HEATR1: variants seen among roughly 807,000 people sequenced by gnomAD.
The protein encoded by HEATR1 is HEAT repeat-containing protein 1.
HEATR1 carries 77 observed loss-of-function variants against 248.2 expected under a neutral mutation model. That is an observed-to-expected ratio of 0.31 (90% CI 0.26 to 0.37). The LOEUF (loss-of-function observed/expected upper bound fraction) is 0.37. Among genes scored for constraint, HEATR1 ranks in the 10% least tolerant of loss-of-function variants. The pLI, the probability that HEATR1 is intolerant of heterozygous loss-of-function variation, is 1.00. For synonymous variants in HEATR1, 897 were observed against 923.1 expected (o/e 0.97, Z 0.51); for missense variants, 2,420 against 2,504.9 (o/e 0.97, Z 0.72).
chr1:236,592,113 G>A lies in HEATR1; in HGVS notation c.1305-3C>T. ...CAACATCTAATGTTCTGGGGTATCTGGGAAGCAATTAAAAAGTGAATTCAT... is the reference window on the plus strand; with the variant it reads ...CAACATCTAATGTTCTGGGGTATCTAGGAAGCAATTAAAAAGTGAATTCAT... On this transcript the variant is annotated splice_region_variant and splice_polypyrimidine_tract_variant and intron_variant, in intron 10 of 44. Coordinates refer to ENST00000366582, the MANE Select transcript of HEATR1 (RefSeq NM_018072.6). 1 of 1,460,492 alleles carries A rather than the reference G, an allele frequency of 6.8e-7. No homozygotes were observed. Among genetic ancestry groups the A allele is most frequent in the East Asian group, 2.3e-5 (1 of 43,610 alleles). 90.5% of individuals were successfully genotyped at this position (1,460,492 alleles called of 1,614,324 possible). A position where few individuals can be genotyped will look rare whatever the true frequency, so the allele number is the denominator to read the frequency against.
At chr1:236,554,816 T>A in intron 41 of HEATR1, 64 bp from the exon 42 acceptor site, 3 of 1,339,080 alleles carry the variant, frequency 2.2e-6, no homozygotes, top group Non-Finnish European at 3.1e-6. Flanking sequence ...CTCCAATGTT[T>A]ACATTGAAAT....
intron 37 of HEATR1, among the ~76,000 whole-genome samples, chr1:236,556,482 G>A (rs886752187): frequency 6.6e-6 from 1 of 152,212 alleles, no homozygotes; most frequent in African/African-American, 2.4e-5. Flanking sequence ...GATGGTAGAC[G>A]CAGACGCACA....
At chr1:236,574,103 T>C in intron 24 of HEATR1, 99 bp downstream of exon 24, 1 of 1,036,208 alleles carries the variant, frequency 9.7e-7, no homozygotes, top group Non-Finnish European at 1.3e-6. Flanking sequence ...ACATCTGACC[T>C]CTTACAAGCA....
rs993241928 is a variant in HEATR1, at chr1:236,594,016, C to A, written c.1189G>T (p.Ala397Ser). 6.4e-6 allele frequency: 10 copies of A among 1,571,420 alleles called. No individual in the cohort carries two copies. The highest frequency in any genetic ancestry group is 2.4e-5 in the South Asian group (2 of 82,718). Residue 397 changes from alanine to serine, a missense_variant, in exon 9 of 45, where the codon GCT (alanine) becomes TCT (serine). Ala to Ser is a moderately conservative substitution (Grantham distance 99). Coordinates refer to ENST00000366582, the MANE Select transcript of HEATR1 (RefSeq NM_018072.6). Reference protein sequence around the residue: ...SLKNNLDHLLASLLFEEYISY... With the variant: ...SLKNNLDHLLSSLLFEEYISY... ...ATGTCAAAAATAATAGCTTACCTAG[C>A]CAACAAATGGTCTAAGTTGTTCTTC...
chr1:236,549,485 T>A lies in HEATR1; in HGVS notation c.*1417A>T, dbSNP rs540979649. 314 of 152,730 alleles carry A rather than the reference T, an allele frequency of 2.1e-3. 2 individuals are homozygous for A. The highest frequency in any genetic ancestry group is 3.4e-3 in the Middle Eastern group (1 of 294). 9.5% of individuals were successfully genotyped at this position (152,730 alleles called of 1,614,324 possible). A position where few individuals can be genotyped will look rare whatever the true frequency, so the allele number is the denominator to read the frequency against. On this transcript the variant is annotated 3_prime_UTR_variant, in exon 45 of 45. Transcript: ENST00000366582. ...ATATTTTCAGAACAGATTTTAGATA[T>A]TATTTCTATCCATATATTGAAAAGA...
Position 236,595,698 on chromosome 1 carries a change from C to A in HEATR1, c.957-25G>T, listed in dbSNP as rs112251219. The A allele has an allele frequency of 4.4e-6, 7 of 1,598,962 alleles. No individual in the cohort carries two copies. The African/African-American group carries it at 9.4e-5, about 21-fold the overall frequency. On this transcript the variant is annotated intron_variant, in intron 7 of 44. Transcript: ENST00000366582. Reference sequence around the variant, plus strand: ...CCTTTGAAGAAGCAAAAGTACATATCGTGTTGACTTTACAAGTTAGACAAT... The same window carrying A: ...CCTTTGAAGAAGCAAAAGTACATATAGTGTTGACTTTACAAGTTAGACAAT...
At chr1:236,575,441 CT>C (rs760441500) in intron 22 of HEATR1, among the ~76,000 whole-genome samples, 1 of 152,176 alleles carries the variant, frequency 6.6e-6, no homozygotes, top group Non-Finnish European at 1.5e-5. Flanking sequence ...CCTGATACAA[CT>C]GCAGAGATGA....
In HEATR1 at chr1:236,550,724, A is replaced by G. The variant is rs973496862; in HGVS notation, c.*178T>C. ...TGCAGCTCTATACGATAGGCAGGAG[A>G]GGCTTATGTGGCAGCACAAGCCAGG... On this transcript the variant is annotated 3_prime_UTR_variant, in exon 45 of 45. Coordinates refer to ENST00000366582, the MANE Select transcript of HEATR1 (RefSeq NM_018072.6). The G allele has an allele frequency of 3.5e-5, 19 of 538,798 alleles. No homozygotes were observed. The African/African-American group carries it at 3.6e-4, about 10-fold the overall frequency. The allele number at this position is 538,798 out of a possible 1,614,324, so 33.4% of individuals were successfully genotyped here.
At chr1:236,597,753 G>C in intron 5 of HEATR1, 125 bp downstream of exon 5, 1 of 577,898 alleles carries the variant, frequency 1.7e-6, no homozygotes. Flanking sequence ...CAAAACACCA[G>C]ACCATTTAAC....
At chr1:236,593,062 C>T (rs1429041709) in intron 9 of HEATR1, among the ~76,000 whole-genome samples, 2 of 152,132 alleles carry the variant, frequency 1.3e-5, no homozygotes, top group Non-Finnish European at 2.9e-5. Context: ...GGCATGGTGG[C>T]ACATGCCTGT....
At position 236,595,994 on chromosome 1, in the gene HEATR1, T is replaced by C. The variant is rs1184792420; in HGVS notation, c.795A>G (p.Ile265Met). 13 of 1,613,884 alleles carry C rather than the reference T, an allele frequency of 8.1e-6. No homozygotes were observed. Among genetic ancestry groups the C allele is most frequent in the Non-Finnish European group, 1.1e-5 (13 of 1,179,796 alleles). Residue 265 changes from isoleucine (I) to methionine (M), a missense_variant, in exon 7 of 45, where the codon ATA becomes ATG. Physicochemically the swap from Ile to Met is conservative, Grantham distance 10. Transcript: ENST00000366582. ...PDYRAATYMI[I>M]CQISVKVTME... The stretch of plus-strand genomic sequence containing the variant: ...TGGTCACTTTCACAGAAATCTGACA[T>C]ATTATCATGTATGTTGCAGCTCTGT...
chr1:236,593,142 C>G (rs1008700554), intron 9 of HEATR1, among the ~76,000 whole-genome samples: 3 of 151,594 alleles, frequency 2.0e-5, no homozygotes, highest in African/African-American at 7.3e-5. Flanking sequence ...TGCAGTGAGC[C>G]GAGATTGTGC....
At position 236,559,826 on chromosome 1, in the gene HEATR1, G is replaced by C; in HGVS notation, c.4658C>G (p.Thr1553Ser). The change falls in exon 34 of 45, where the codon ACC (threonine) becomes AGC (serine). Residue 1553 changes from threonine (T) to serine (S), a missense_variant. Thr to Ser is a moderately conservative substitution (Grantham distance 58). Transcript: ENST00000366582. ...LKGLEERLLE[T>S]VLGYISAVAQ... ...AACTGCACTGATATAGCCGAGAACG[G>C]TCTCCAGCAACCTGAAACACAGAGG... is the stretch of plus-strand genomic sequence containing the variant. 1 of 1,606,716 alleles carries C rather than the reference G, an allele frequency of 6.2e-7. No homozygotes were observed.
chr1:236,586,029 G>A, intron 15 of HEATR1, 88 bp from the exon 16 acceptor site: 1 of 1,475,414 alleles, frequency 6.8e-7, no homozygotes, highest in African/African-American at 1.4e-5. Context: ...TTTTACTATT[G>A]TTTATGAAGG....
intron 29 of HEATR1, among the ~76,000 whole-genome samples, chr1:236,568,087 T>C (rs1663321953): frequency 6.6e-6 from 1 of 152,198 alleles, no homozygotes. Context: ...GCTGTGCACA[T>C]TCCTAGATCA....
intron 43 of HEATR1, chr1:236,552,383 T>A: frequency 9.6e-6 from 2 of 208,274 alleles, no homozygotes; most frequent in Admixed American, 5.9e-5. Flanking sequence ...TCTCTTCCTT[T>A]AAAAAAAACC....
At position 236,596,843 on chromosome 1, in the gene HEATR1, A is replaced by G. The variant is rs777690146; in HGVS notation, c.737T>C (p.Ile246Thr). The G allele has an allele frequency of 6.2e-7, 1 of 1,612,382 alleles. No homozygotes were observed. The highest frequency in any genetic ancestry group is 8.5e-7 in the Non-Finnish European group (1 of 1,179,418). ...CACATCAGCAGTGCCAACCTTTTGG[A>G]TATAGGGAAATAGTTTGGCGATGAT... ...DNIIAKLFPY[I>T]QKGLKSSLPD... The change falls in exon 6 of 45, where the codon ATC (isoleucine) becomes ACC (threonine). Residue 246 changes from isoleucine to threonine, a missense_variant. Transcript: ENST00000366582.
chr1:236,553,831 T>A, intron 42 of HEATR1, 92 bp from the exon 43 acceptor site: 4 of 1,349,338 alleles, frequency 3.0e-6, no homozygotes, highest in Non-Finnish European at 3.1e-6. Context: ...TTTACTATCT[T>A]TCATGATATT....
chr1:236,554,833 TA>T (rs1162350853), intron 41 of HEATR1, 81 bp from the exon 42 acceptor site: 5 of 1,205,132 alleles, frequency 4.1e-6, no homozygotes, highest in Non-Finnish European at 5.9e-6. Flanking sequence ...AAATCACTAT[TA>T]AAATAACTAA....
Sources: allele counts gnomAD v4.1 joint callset (sites outside exome capture counted in the v4.1 genomes callset), GRCh38; gene constraint gnomAD v4.1.1; transcripts MANE v1.5; gene names NCBI Gene and HGNC (gene_info 2026-07-23, HGNC 2026-07-21).